The following SHOX variants were observed in gnomAD, a reference collection of about 807,000 sequenced individuals.
The protein encoded by SHOX is short stature homeobox protein.
A neutral mutation model predicts 29.6 loss-of-function variants in SHOX; 12 were observed. The observed-to-expected ratio is 0.41, with a 90% CI of 0.26 to 0.66. The LOEUF (loss-of-function observed/expected upper bound fraction) is 0.66. Ranked by LOEUF, SHOX falls within the 30% of genes least tolerant of loss-of-function variation. The pLI is 0.35. For missense variants in SHOX, 499 were observed against 437.7 expected, an observed-to-expected ratio of 1.14 and a Z score of -1.25; for synonymous variants, 214 against 200.6, an observed-to-expected ratio of 1.07 and a Z score of -0.57.
chrX:650,800 A>AC lies in SHOX; in HGVS notation c.*6164_*6165insC, dbSNP rs199734127. On this transcript the variant is annotated 3_prime_UTR_variant, in exon 5 of 5. Coordinates refer to ENST00000686671, the MANE Select transcript of SHOX (RefSeq NM_000451.4). ...GTGGACACGTTTGACATTAAAAAAAAAAAAAAAAAAAAAAAAAAACTGGTG... is the reference window on the plus strand; with the variant it reads ...GTGGACACGTTTGACATTAAAAAAAACAAAAAAAAAAAAAAAAAAACTGGTG... Among the ~76,000 whole-genome samples the AC allele has an allele frequency of 8.8e-5, 12 of 136,760 alleles. No individual in the cohort carries two copies. The highest frequency in any genetic ancestry group is 3.0e-4 in the Admixed American group (4 of 13,116). The allele number at this position is 136,760 out of a possible 152,430, so 89.7% of individuals were successfully genotyped here. A position where few individuals can be genotyped will look rare whatever the true frequency, so the allele number is the denominator to read the frequency against.
chrX:644,897 C>A lies in SHOX; in HGVS notation c.*261C>A, dbSNP rs1238430718. 6.5e-6 allele frequency: 3 copies of A among 464,870 alleles called. No homozygotes were observed. Among genetic ancestry groups the A allele is most frequent in the Non-Finnish European group, 1.1e-5 (3 of 272,810 alleles). The allele number at this position is 464,870 out of a possible 1,614,324, so 28.8% of individuals were successfully genotyped here. On this transcript the variant is annotated 3_prime_UTR_variant, in exon 5 of 5. Coordinates refer to ENST00000686671, the MANE Select transcript of SHOX (RefSeq NM_000451.4). ...CAGCCCGGGCCTCTCCAAGGCTGCC[C>A]GTGCGTCCTGGGACCCTGGAGAAGG...
chrX:634,956 A>G, intron 2 of SHOX, 130 bp downstream of exon 2: 1 of 979,244 alleles, frequency 1.0e-6, no homozygotes, highest in African/African-American at 1.6e-5. Flanking sequence ...AGGTTGGGTG[A>G]GGGACGGGCT....
chrX:639,223 A>G (rs754012917), intron 2 of SHOX, among the ~76,000 whole-genome samples: 2 of 152,306 alleles, frequency 1.3e-5, no homozygotes, highest in Admixed American at 1.3e-4. Context: ...AGTTTACCCC[A>G]AGACTCAGAA....
At chrX:634,242 G>A (rs1417141881) in intron 1 of SHOX, among the ~76,000 whole-genome samples, 3 of 152,166 alleles carry the variant, frequency 2.0e-5, no homozygotes, top group Non-Finnish European at 4.4e-5. Context: ...TGTCCTTCCC[G>A]GGCGTCCCGC....
At chrX:654,717 G>A (rs747734462), downstream of SHOX, among the ~76,000 whole-genome samples, 17 of 152,128 alleles carry the variant, frequency 1.1e-4, no homozygotes, top group East Asian at 1.5e-3. Context: ...ACAGAGTCTC[G>A]CTCTGTTGCC....
At chrX:643,261 T>TG (rs1230249210) in intron 4 of SHOX, among the ~76,000 whole-genome samples, 1 of 121,796 alleles carries the variant, frequency 8.2e-6, no homozygotes. Context: ...CCTGGTGTCC[T>TG]GGGAGAGGCT....
intron 1 of SHOX, among the ~76,000 whole-genome samples, chrX:625,344 C>T (rs73187997): frequency 3.3e-5 from 5 of 151,858 alleles, no homozygotes; most frequent in Admixed American, 3.3e-4. Flanking sequence ...TCTCTGAAAC[C>T]TGATTCTTTT....
In SHOX at chrX:645,390, A is replaced by ATTTTTTTTTTTTTTTTTTTT. The variant is rs1168989193; in HGVS notation, c.*768_*787dup. ...GGGTCTGGTTTTGTTTTGGATTGGT[A>ATTTTTTTTTTTTTTTTTTTT]TTTTTTTTTTTTTTTTTTTTTTTTT... On this transcript the variant is annotated 3_prime_UTR_variant, in exon 5 of 5. Transcript: ENST00000686671. The ATTTTTTTTTTTTTTTTTTTT allele has an allele frequency of 2.6e-5, 2 of 78,364 alleles. No homozygotes were observed. The highest frequency in any genetic ancestry group is 4.7e-4 in the East Asian group (1 of 2,110). The allele number at this position is 78,364 out of a possible 1,614,324, so 4.9% of individuals were successfully genotyped here.
intron 5 of SHOX, among the ~76,000 whole-genome samples, chrX:656,639 A>G (rs2053150150): frequency 6.6e-6 from 1 of 152,110 alleles, no homozygotes; most frequent in South Asian, 2.1e-4. Context: ...CATGAGATCG[A>G]GACCATCCTG....
chrX:634,462 C>G lies in SHOX; in HGVS notation c.278-156C>G, dbSNP rs184242578. ...GGTTTTTGGGAAAGCAGCGAGTATC[C>G]TCCTCGGCTTTTGCCTTATGGACCC... On this transcript the variant is annotated intron_variant, in intron 1 of 4. Coordinates refer to ENST00000686671, the MANE Select transcript of SHOX (RefSeq NM_000451.4). 267 of 229,742 alleles carry G rather than the reference C, an allele frequency of 1.2e-3. 2 individuals are homozygous for G. The highest frequency in any genetic ancestry group is 6.0e-3 in the African/African-American group (256 of 43,020). The allele number at this position is 229,742 out of a possible 1,614,324, so 14.2% of individuals were successfully genotyped here.
In SHOX at chrX:649,920, TTCTC is replaced by T. The variant is rs778313472; in HGVS notation, c.*5292_*5295del. The T allele has an allele frequency of 6.6e-6, 3 of 455,558 alleles. No individual in the cohort carries two copies. The highest frequency in any genetic ancestry group is 1.3e-5 in the Non-Finnish European group (3 of 226,658). The allele number at this position is 455,558 out of a possible 1,614,324, so 28.2% of individuals were successfully genotyped here. ...TGACATATCCACTTTTCTCTCTCTT[TTCTC>T]TCTCTCTGACTGCGAAGCACCCACA... On this transcript the variant is annotated 3_prime_UTR_variant, in exon 5 of 5. Coordinates refer to ENST00000686671, the MANE Select transcript of SHOX (RefSeq NM_000451.4).
intron 2 of SHOX, among the ~76,000 whole-genome samples, chrX:637,435 C>T (rs2052777499): frequency 6.6e-6 from 1 of 151,658 alleles, no homozygotes; most frequent in Non-Finnish European, 1.5e-5. Flanking sequence ...GACGAGAGCA[C>T]GTTAGTTCAG....
At chrX:624,889 TCTTTCTTTCTTTCTCTCTTC>T (rs1313371912) in intron 1 of SHOX, among the ~76,000 whole-genome samples, 3 of 89,058 alleles carry the variant, frequency 3.4e-5, no homozygotes, top group Admixed American at 1.1e-4. Flanking sequence ...TTTCTTTCTT[TCTTTCTTTCTTTCTCTCTTC>T]CTTTCTTTCT....
chrX:643,713 A>G (rs2052908849), intron 4 of SHOX, among the ~76,000 whole-genome samples: 1 of 123,578 alleles, frequency 8.1e-6, no homozygotes, highest in Non-Finnish European at 1.6e-5. Context: ...AGGCTTGGAC[A>G]CCTGGTGTCC....
chrX:641,188 G>A (rs1233436635), intron 4 of SHOX, 101 bp downstream of exon 4: 6 of 1,145,796 alleles, frequency 5.2e-6, no homozygotes, highest in South Asian at 3.7e-5. Flanking sequence ...GTCCCTCCCT[G>A]CCCCTGCAGA....
intron 5 of SHOX, among the ~76,000 whole-genome samples, chrX:657,483 A>G (rs1284250300): frequency 6.6e-6 from 1 of 152,178 alleles, no homozygotes; most frequent in Non-Finnish European, 1.5e-5. Flanking sequence ...CTAGAAGACA[A>G]AAGCCACACA....
chrX:630,786 A>G, upstream of SHOX: 1 of 1,302,412 alleles, frequency 7.7e-7, no homozygotes, highest in East Asian at 2.3e-5. Context: ...TTCCAATGGA[A>G]AGGCGTAAAT....
At chrX:634,878 G>T (rs773959402) in intron 2 of SHOX, 52 bp downstream of exon 2, 1 of 1,528,940 alleles carries the variant, frequency 6.5e-7, no homozygotes, top group Non-Finnish European at 8.8e-7. Flanking sequence ...CCTGGTCCTC[G>T]GGAGCGCACA....
downstream of SHOX, among the ~76,000 whole-genome samples, chrX:653,573 T>C (rs1479951436): frequency 1.3e-5 from 2 of 152,168 alleles, no homozygotes; most frequent in African/African-American, 2.4e-5. Context: ...AATTTCTTTC[T>C]GATTTTTCCA....
Sources: allele counts gnomAD v4.1 joint callset (sites outside exome capture counted in the v4.1 genomes callset), GRCh38; gene constraint gnomAD v4.1.1; transcripts MANE v1.5; gene names NCBI Gene and HGNC (gene_info 2026-07-23, HGNC 2026-07-21).